Variants in SLC5A4 observed in about 807,000 individuals in gnomAD.
SLC5A4 encodes the protein solute carrier family 5 member 4.
SLC5A4 carries 55 observed loss-of-function variants against 70.3 expected under a neutral mutation model. That is an observed-to-expected ratio of 0.78 (90% CI 0.63 to 0.98). The LOEUF is 0.98. Among genes scored for constraint, SLC5A4 ranks in the 50% least tolerant of loss-of-function variants. SLC5A4 has a pLI of 0.00. For missense variants in SLC5A4, 735 were observed against 839.2 expected, an observed-to-expected ratio of 0.88 and a Z score of 1.53; for synonymous variants, 268 against 305.7, an observed-to-expected ratio of 0.88 and a Z score of 1.29.
the SLC5A4 span, among the ~76,000 whole-genome samples, chr22:32,320,353 T>C: frequency 6.6e-6 from 1 of 152,150 alleles, no homozygotes; most frequent in South Asian, 2.1e-4. Context: ...GACCCAGCAG[T>C]CTCACGTAAC....
At chr22:32,324,347 T>C in the SLC5A4 span, among the ~76,000 whole-genome samples, 19 of 151,986 alleles carry the variant, frequency 1.3e-4, no homozygotes, top group Admixed American at 7.9e-4. Context: ...TCAATGACTT[T>C]TTAAAAAAAA....
the SLC5A4 span, among the ~76,000 whole-genome samples, chr22:32,331,835 G>GGTTCCTCCTGCCACGGGTGGGGGCT: frequency 6.6e-6 from 1 of 152,148 alleles, no homozygotes; most frequent in East Asian, 1.9e-4. Context: ...TTCGCCCTGG[G>GGTTCCTCCTGCCACGGGTGGGGGCT]GTTCCTCCTG....
chr22:32,298,137 T>C, the SLC5A4 span, among the ~76,000 whole-genome samples: 1 of 145,552 alleles, frequency 6.9e-6, no homozygotes, highest in African/African-American at 2.6e-5. Context: ...TCTGTTGATT[T>C]GGGGTGGAGA....
chr22:32,297,029 T>G, the SLC5A4 span, among the ~76,000 whole-genome samples: 2 of 148,360 alleles, frequency 1.3e-5, no homozygotes, highest in Admixed American at 6.7e-5. Flanking sequence ...GGATAAGCTT[T>G]TTGATGTGCT....
At chr22:32,224,925 C>T (rs1482907390) in intron 12 of SLC5A4, among the ~76,000 whole-genome samples, 1 of 152,116 alleles carries the variant, frequency 6.6e-6, no homozygotes, top group Non-Finnish European at 1.5e-5. Context: ...GGGGTGGAAA[C>T]ATGTGTCTGT....
At chr22:32,321,890 G>A in the SLC5A4 span, among the ~76,000 whole-genome samples, 1 of 152,242 alleles carries the variant, frequency 6.6e-6, no homozygotes, top group South Asian at 2.1e-4. Flanking sequence ...GCCTATGGCA[G>A]AATGCATAGG....
At chr22:32,314,119 C>T in the SLC5A4 span, among the ~76,000 whole-genome samples, 2 of 152,224 alleles carry the variant, frequency 1.3e-5, no homozygotes, top group Non-Finnish European at 2.9e-5. Context: ...GGAGAACCTA[C>T]TCTCCACTCT....
chr22:32,315,775 T>C, the SLC5A4 span, among the ~76,000 whole-genome samples: 13 of 140,050 alleles, frequency 9.3e-5, no homozygotes, highest in Admixed American at 5.4e-4. Context: ...TAAATGTTAG[T>C]GAGCCATACA....
chr22:32,300,981 G>A, the SLC5A4 span, among the ~76,000 whole-genome samples: 1 of 151,962 alleles, frequency 6.6e-6, no homozygotes, highest in Non-Finnish European at 1.5e-5. Context: ...TCTTTTTTTT[G>A]AGACGGAATC....
At chr22:32,337,342 G>A in the SLC5A4 span, among the ~76,000 whole-genome samples, 2 of 152,220 alleles carry the variant, frequency 1.3e-5, no homozygotes, top group Admixed American at 6.5e-5. Context: ...GGACCAGCCT[G>A]GGCAACGTGG....
the SLC5A4 span, chr22:32,343,137 A>C: frequency 6.6e-6 from 1 of 152,230 alleles, no homozygotes; most frequent in African/African-American, 2.4e-5. Context: ...ATGTCATCTC[A>C]AACTGTGAAA....
At position 32,220,980 on chromosome 22, in the gene SLC5A4, G is replaced by C; in HGVS notation, c.1708C>G (p.Arg570Gly). 7 of 1,613,772 alleles carry C rather than the reference G, an allele frequency of 4.3e-6. No homozygotes were observed. Among genetic ancestry groups the C allele is most frequent in the South Asian group, 1.1e-5 (1 of 91,052 alleles). ...CWVLRNSTEE[R>G]IDIDAEEKSQ... Reference sequence around the variant, plus strand: ...TTCTCTTCTGCATCTATATCGATTCGCTCCTCTGTACTGTTCCGAAGAACC... The same window carrying C: ...TTCTCTTCTGCATCTATATCGATTCCCTCCTCTGTACTGTTCCGAAGAACC... Residue 570 changes from arginine (R) to glycine (G), a missense_variant, in exon 14 of 15, where the codon CGA becomes GGA. Physicochemically the swap from Arg to Gly is moderately radical, Grantham distance 125. Coordinates refer to ENST00000266086, the MANE Select transcript of SLC5A4 (RefSeq NM_014227.3).
At chr22:32,292,493 G>A in the SLC5A4 span, among the ~76,000 whole-genome samples, 1 of 150,640 alleles carries the variant, frequency 6.6e-6, no homozygotes, top group Non-Finnish European at 1.5e-5. Flanking sequence ...CACAGCAACA[G>A]GGTGCTATCT....
At chr22:32,252,229 C>CAA (rs35272467) in intron 2 of SLC5A4, among the ~76,000 whole-genome samples, 995 of 91,342 alleles carry the variant, frequency 0.011, 12 homozygotes, top group African/African-American at 0.034. Flanking sequence ...GACTCTGTCT[C>CAA]AAAAAAAAAA....
the SLC5A4 span, among the ~76,000 whole-genome samples, chr22:32,280,805 A>G: frequency 4.6e-4 from 70 of 152,308 alleles, 1 homozygote; most frequent in African/African-American, 1.7e-3. Context: ...TTTAAGCAGT[A>G]GTTGGATGAC....
At chr22:32,299,966 CG>C in the SLC5A4 span, among the ~76,000 whole-genome samples, 1 of 128,812 alleles carries the variant, frequency 7.8e-6, no homozygotes, top group African/African-American at 2.9e-5. Context: ...TTAGGCTGCT[CG>C]GGGGTCAGGG....
the SLC5A4 span, among the ~76,000 whole-genome samples, chr22:32,348,739 C>T: frequency 6.6e-6 from 1 of 152,014 alleles, no homozygotes; most frequent in African/African-American, 2.4e-5. Context: ...GATCAATGTT[C>T]CAAAAAACCC....
the SLC5A4 span, among the ~76,000 whole-genome samples, chr22:32,265,356 C>T: frequency 1.3e-5 from 2 of 152,058 alleles, no homozygotes; most frequent in African/African-American, 4.8e-5. Context: ...CCATTGCACT[C>T]CAGCCTGGGC....
chr22:32,318,519 C>T, the SLC5A4 span, among the ~76,000 whole-genome samples: 3 of 152,230 alleles, frequency 2.0e-5, no homozygotes, highest in South Asian at 6.2e-4. Flanking sequence ...CATCTTTGAC[C>T]CCTCTTTTCC....
Sources: allele counts gnomAD v4.1 joint callset (sites outside exome capture counted in the v4.1 genomes callset), GRCh38; gene constraint gnomAD v4.1.1; transcripts MANE v1.5; gene names NCBI Gene and HGNC (gene_info 2026-07-23, HGNC 2026-07-21).